SKIL: variants seen among roughly 807,000 people sequenced by gnomAD.
SKIL encodes SKI like proto-oncogene.
In SKIL, 20 loss-of-function variants were observed where a neutral mutation model predicts 69.6. The ratio of observed to expected loss-of-function variants is 0.29; its 90% CI spans 0.20 to 0.42. The LOEUF (loss-of-function observed/expected upper bound fraction) is 0.42, where lower values mean the gene tolerates loss of function less well. Among genes scored for constraint, SKIL ranks in the 10% least tolerant of loss-of-function variants. SKIL has a pLI of 1.00. For synonymous variants in SKIL, 310 were observed against 279.9 expected, an observed-to-expected ratio of 1.11 and a Z score of -1.08; for missense variants, 745 against 783.1, an observed-to-expected ratio of 0.95 and a Z score of 0.58.
chr3:170,365,752 C>CTTTCTTTTTTTTTTTTTTTTTTTTT (rs1736468291), intron 2 of SKIL, among the ~76,000 whole-genome samples: 1 of 106,498 alleles, frequency 9.4e-6, no homozygotes, highest in African/African-American at 4.0e-5. Flanking sequence ...TCAAACTAGG[C>CTTTCTTTTTTTTTTTTTTTTTTTTT]TTTTTTTTTT....
chr3:170,360,488 C>T lies in SKIL; in HGVS notation c.157C>T (p.His53Tyr). The T allele has an allele frequency of 6.2e-7, 1 of 1,614,076 alleles. No homozygotes were observed. The highest frequency in any genetic ancestry group is 8.5e-7 in the Non-Finnish European group (1 of 1,180,008). Residue 53 changes from histidine to tyrosine, a missense_variant, in exon 2 of 7, where the codon CAC becomes TAC. His to Tyr is a moderately conservative substitution (Grantham distance 83, BLOSUM62 2). Coordinates refer to ENST00000259119, the MANE Select transcript of SKIL (RefSeq NM_005414.5). ...CAAGGTGCCAACAGTTAAGAAGGAA[C>T]ACTTGGATGACTATGGAGAAGCACC... Reference protein sequence around the residue: ...INKVPTVKKEHLDDYGEAPVE... With the variant: ...INKVPTVKKEYLDDYGEAPVE...
At chr3:170,381,734 C>T (rs994660435) in intron 3 of SKIL, among the ~76,000 whole-genome samples, 12 of 151,810 alleles carry the variant, frequency 7.9e-5, no homozygotes, top group Non-Finnish European at 2.9e-5. Context: ...TGCCTGACCA[C>T]GAATTTATTT....
chr3:170,364,583 A>G (rs971117212), intron 2 of SKIL, among the ~76,000 whole-genome samples: 3 of 151,972 alleles, frequency 2.0e-5, no homozygotes, highest in East Asian at 1.9e-4. Context: ...CGTCCTCTCA[A>G]TTGCTGGGAT....
rs951642306 is a variant in SKIL, at chr3:170,382,618, G to C, written c.1196+1277G>C. Among the ~76,000 whole-genome samples the C allele has an allele frequency of 6.6e-5, 10 of 151,852 alleles. 1 individual carries two copies. The highest frequency in any genetic ancestry group is 2.6e-4 in the Admixed American group (4 of 15,224). On this transcript the variant is annotated intron_variant, in intron 3 of 6. Coordinates refer to ENST00000259119, the MANE Select transcript of SKIL (RefSeq NM_005414.5). ...AGTAGAGATGGGGTTTCACCATGTT[G>C]GCCAGGCTGGTTTTGAACCTCAGGT...
At position 170,392,350 on chromosome 3, in the gene SKIL, A is replaced by G. The variant is rs1737967119; in HGVS notation, c.1988A>G (p.Lys663Arg). ...ELRQEREARQ[K>R]LEMMIKELKL... ...AGACAGGAACGGGAAGCAAGACAGA[A>G]GTTAGAGATGATGATAAAAGAGCTA... is the stretch of plus-strand genomic sequence containing the variant. Residue 663 changes from lysine to arginine, a missense_variant, in exon 7 of 7, where the codon AAG becomes AGG. By Grantham distance (26) the Lys-to-Arg change is conservative (BLOSUM62 2). Coordinates refer to ENST00000259119, the MANE Select transcript of SKIL (RefSeq NM_005414.5). The G allele has an allele frequency of 6.2e-7, 1 of 1,612,914 alleles. No individual in the cohort carries two copies. The highest frequency in any genetic ancestry group is 1.3e-5 in the African/African-American group (1 of 74,908).
In SKIL at chr3:170,390,372, A is replaced by G; in HGVS notation, c.1579A>G (p.Lys527Glu). The change falls in exon 5 of 7, where the codon AAG becomes GAG. Residue 527 changes from lysine to glutamate, a missense_variant. Transcript: ENST00000259119. Reference protein sequence around the residue: ...LVKDVICEDDKGKIMEEVMRT... With the variant: ...LVKDVICEDDEGKIMEEVMRT... ...GAAAGATGTCATTTGTGAGGATGAT[A>G]AGGGAAAAATCATGGAAGAAGTAAT... 3 of 1,613,962 alleles carry G rather than the reference A, an allele frequency of 1.9e-6. No individual in the cohort carries two copies. The highest frequency in any genetic ancestry group is 2.5e-6 in the Non-Finnish European group (3 of 1,179,816).
rs369085416 is a variant in SKIL at position 170,390,384 on chromosome 3, A to T, written c.1591A>T (p.Met531Leu). 91 of 1,613,788 alleles carry T rather than the reference A, an allele frequency of 5.6e-5. No individual in the cohort carries two copies. The highest frequency in any genetic ancestry group is 7.3e-5 in the Non-Finnish European group (86 of 1,179,724). Reference protein sequence around the residue: ...VICEDDKGKIMEEVMRTYLKQ... With the variant: ...VICEDDKGKILEEVMRTYLKQ... The stretch of plus-strand genomic sequence containing the variant: ...TTGTGAGGATGATAAGGGAAAAATC[A>T]TGGAAGAAGTAATGAGAACTTATTT... Residue 531 changes from methionine to leucine, a missense_variant, in exon 5 of 7, where the codon ATG becomes TTG. Coordinates refer to ENST00000259119, the MANE Select transcript of SKIL (RefSeq NM_005414.5).
chr3:170,364,291 C>T (rs1342846411), intron 2 of SKIL, among the ~76,000 whole-genome samples: 2 of 146,014 alleles, frequency 1.4e-5, no homozygotes, highest in Non-Finnish European at 3.0e-5. Flanking sequence ...GCCACATTTG[C>T]CAGATATTGT....
intron 2 of SKIL, among the ~76,000 whole-genome samples, chr3:170,367,173 A>C (rs1378303686): frequency 6.6e-6 from 1 of 152,068 alleles, no homozygotes; most frequent in Non-Finnish European, 1.5e-5. Context: ...CAGTGGCGCG[A>C]TGTCAGCTCA....
At chr3:170,366,722 A>G (rs1456682684) in intron 2 of SKIL, among the ~76,000 whole-genome samples, 10 of 60,570 alleles carry the variant, frequency 1.7e-4, no homozygotes, top group Admixed American at 1.6e-3. Context: ...CACATACTTG[A>G]TTTTAGATCT....
Position 170,396,185 on chromosome 3 carries a change from G to A in SKIL, c.*3768G>A, listed in dbSNP as rs573674503. The A allele has an allele frequency of 6.6e-6, 1 of 151,940 alleles. No homozygotes were observed. Among genetic ancestry groups the A allele is most frequent in the Non-Finnish European group, 1.5e-5 (1 of 67,934 alleles). 9.4% of individuals were successfully genotyped at this position (151,940 alleles called of 1,614,324 possible). A position where few individuals can be genotyped will look rare whatever the true frequency, so the allele number is the denominator to read the frequency against. ...AAAATTCAGCCCAGAAAACAAAATA[G>A]TGTATTAAATTAGTTTAATGTAAAA... On this transcript the variant is annotated 3_prime_UTR_variant, in exon 7 of 7. Coordinates refer to ENST00000259119, the MANE Select transcript of SKIL (RefSeq NM_005414.5).
chr3:170,367,583 C>T (rs912640431), intron 2 of SKIL, among the ~76,000 whole-genome samples: 2 of 151,876 alleles, frequency 1.3e-5, no homozygotes, highest in Non-Finnish European at 2.9e-5. Flanking sequence ...TCTCCTGCCT[C>T]AGTGTCCCTA....
intron 1 of SKIL, among the ~76,000 whole-genome samples, chr3:170,358,264 C>T (rs1736039319): frequency 1.3e-5 from 2 of 152,014 alleles, no homozygotes; most frequent in African/African-American, 4.8e-5. Context: ...CCGAGAACTT[C>T]CCAGGGAGAG....
intron 4 of SKIL, among the ~76,000 whole-genome samples, chr3:170,387,369 A>G (rs555701299): frequency 2.6e-5 from 4 of 152,116 alleles, no homozygotes; most frequent in African/African-American, 9.6e-5. Flanking sequence ...GGCAACCACT[A>G]ATCTATTTTC....
At chr3:170,363,019 C>A (rs1251137580) in intron 2 of SKIL, among the ~76,000 whole-genome samples, 1 of 151,710 alleles carries the variant, frequency 6.6e-6, no homozygotes, top group Non-Finnish European at 1.5e-5. Flanking sequence ...TGTGTAATAA[C>A]AGTTCCTAAC....
Position 170,394,462 on chromosome 3 carries a change from A to T in SKIL, c.*2045A>T, listed in dbSNP as rs1269774947. The T allele has an allele frequency of 6.6e-6, 1 of 152,162 alleles. No individual in the cohort carries two copies. The highest frequency in any genetic ancestry group is 1.5e-5 in the Non-Finnish European group (1 of 68,020). The allele number at this position is 152,162 out of a possible 1,614,324, so 9.4% of individuals were successfully genotyped here. A position where few individuals can be genotyped will look rare whatever the true frequency, so the allele number is the denominator to read the frequency against. Reference sequence around the variant, plus strand: ...CTCAAACACCTATAATTTCATTTATATTTCTAATTCACTTGGAACCTTTCT... The same window carrying T: ...CTCAAACACCTATAATTTCATTTATTTTTCTAATTCACTTGGAACCTTTCT... On this transcript the variant is annotated 3_prime_UTR_variant, in exon 7 of 7. Coordinates refer to ENST00000259119, the MANE Select transcript of SKIL (RefSeq NM_005414.5).
intron 2 of SKIL, among the ~76,000 whole-genome samples, chr3:170,378,184 CCCTG>C (rs150703851): frequency 0.017 from 2,633 of 152,316 alleles, 53 homozygotes; most frequent in East Asian, 0.094. Context: ...AGCCACTGTG[CCCTG>C]CCTATTTTTG....
chr3:170,366,407 C>T (rs576027567), intron 2 of SKIL, among the ~76,000 whole-genome samples: 12 of 152,088 alleles, frequency 7.9e-5, no homozygotes, highest in Admixed American at 3.3e-4. Context: ...AGGCCAGGCG[C>T]GGTGGCTCAT....
At position 170,394,162 on chromosome 3, in the gene SKIL, TG is replaced by T. The variant is rs1312442726; in HGVS notation, c.*1746del. The T allele has an allele frequency of 1.6e-5, 2 of 128,952 alleles. No individual in the cohort carries two copies. The highest frequency in any genetic ancestry group is 3.1e-5 in the Non-Finnish European group (2 of 63,572). The allele number at this position is 128,952 out of a possible 1,614,324, so 8.0% of individuals were successfully genotyped here. ...TTTTTTTTTTGAGACAGAGTCTCGC[TG>T]TCTCCCAGGCTGGAGTTCAGTGGTG... On this transcript the variant is annotated 3_prime_UTR_variant, in exon 7 of 7. Transcript: ENST00000259119.
Sources: allele counts gnomAD v4.1 joint callset (sites outside exome capture counted in the v4.1 genomes callset), GRCh38; gene constraint gnomAD v4.1.1; transcripts MANE v1.5; gene names NCBI Gene and HGNC (gene_info 2026-07-23, HGNC 2026-07-21).